The following WDR27 variants were observed in gnomAD, a reference collection of about 807,000 sequenced individuals.
WDR27 encodes the protein WD repeat domain 27, also known as WD repeat-containing protein 27.
A neutral mutation model predicts 114.4 loss-of-function variants in WDR27; 100 were observed. The ratio of observed to expected loss-of-function variants is 0.87; its 90% CI spans 0.74 to 1.03. The LOEUF is 1.03. Among genes scored for constraint, WDR27 ranks in the 50% least tolerant of loss-of-function variants. The pLI is 0.00. For synonymous variants in WDR27, 449 were observed against 423.1 expected, an observed-to-expected ratio of 1.06 and a Z score of -0.75; for missense variants, 1,129 against 1,092.9, an observed-to-expected ratio of 1.03 and a Z score of -0.47.
chr6:169,516,869 G>C (rs1412561221), intron 25 of WDR27, among the ~76,000 whole-genome samples: 1 of 148,714 alleles, frequency 6.7e-6, no homozygotes, highest in Non-Finnish European at 1.5e-5. Context: ...AGATGTGTTG[G>C]TTCCAGGCAT....
At chr6:169,612,450 A>G (rs1810787284) in intron 22 of WDR27, among the ~76,000 whole-genome samples, 1 of 151,726 alleles carries the variant, frequency 6.6e-6, no homozygotes, top group African/African-American at 2.4e-5. Context: ...CGAACAAACA[A>G]ACAAACAAAA....
At chr6:169,573,657 T>C (rs1219141871) in intron 24 of WDR27, among the ~76,000 whole-genome samples, 1 of 152,258 alleles carries the variant, frequency 6.6e-6, no homozygotes, top group Non-Finnish European at 1.5e-5. Flanking sequence ...TAAAATCAAT[T>C]TGATAATATA....
chr6:169,625,011 G>C (rs1479702873), intron 21 of WDR27, among the ~76,000 whole-genome samples: 1 of 152,210 alleles, frequency 6.6e-6, no homozygotes, highest in Admixed American at 6.5e-5. Flanking sequence ...TGCAACTCCT[G>C]TTCTAGGCTT....
In WDR27 at chr6:169,599,074, G is replaced by A. The variant is rs914539269; in HGVS notation, c.2424+3145C>T. ...ACATATGTATACATGTGCCATGTTG[G>A]TGTGCTGCACCCATTAACTCGTCAT... On this transcript the variant is annotated intron_variant, in intron 23 of 25. Coordinates refer to ENST00000448612, the MANE Select transcript of WDR27 (RefSeq NM_182552.5). 4.6e-5 allele frequency among the ~76,000 whole-genome samples: 7 copies of A among 151,964 alleles called. No individual in the cohort carries two copies. The South Asian group carries it at 1.5e-3, about 31-fold the overall frequency.
chr6:169,599,475 T>A (rs906811253), intron 23 of WDR27, among the ~76,000 whole-genome samples: 3 of 152,156 alleles, frequency 2.0e-5, no homozygotes, highest in African/African-American at 7.2e-5. Context: ...AACTTCTTCC[T>A]GGTTTAGTCT....
At chr6:169,505,789 A>G (rs1490860797) in intron 25 of WDR27, among the ~76,000 whole-genome samples, 1 of 152,200 alleles carries the variant, frequency 6.6e-6, no homozygotes, top group African/African-American at 2.4e-5. Flanking sequence ...AGTCATCTGG[A>G]AGGCTTATTA....
chr6:169,559,690 A>C (rs1161356062), intron 25 of WDR27: 1 of 152,156 alleles, frequency 6.6e-6, no homozygotes, highest in Admixed American at 6.5e-5. Flanking sequence ...ATCTGCCCCG[A>C]AAGGCTCCGT....
At chr6:169,649,366 A>T in intron 14 of WDR27, 91 bp from the exon 15 acceptor site, 3 of 1,104,348 alleles carry the variant, frequency 2.7e-6, no homozygotes, top group Non-Finnish European at 4.0e-6. Context: ...AAAATTATAT[A>T]CATAGATATA....
At chr6:169,680,352 G>A (rs1189392313) in intron 2 of WDR27, among the ~76,000 whole-genome samples, 2 of 152,222 alleles carry the variant, frequency 1.3e-5, no homozygotes, top group Non-Finnish European at 2.9e-5. Flanking sequence ...GGAGGCCGAG[G>A]CAGGTGTATC....
the WDR27 span, among the ~76,000 whole-genome samples, chr6:169,428,004 A>T: frequency 6.6e-6 from 1 of 152,258 alleles, no homozygotes; most frequent in East Asian, 1.9e-4. Context: ...GAGAAAGCAG[A>T]AGAAAGCGGC....
chr6:169,604,378 A>C (rs760068650), intron 22 of WDR27, among the ~76,000 whole-genome samples: 1 of 152,174 alleles, frequency 6.6e-6, no homozygotes, highest in Admixed American at 6.5e-5. Context: ...TCCTGGAAAT[A>C]CACAACTTCC....
At chr6:169,566,054 A>G (rs1800415506) in intron 25 of WDR27, among the ~76,000 whole-genome samples, 1 of 152,082 alleles carries the variant, frequency 6.6e-6, no homozygotes, top group Non-Finnish European at 1.5e-5. Context: ...AAACCAGATC[A>G]ATTATGTAAG....
At chr6:169,688,787 A>G (rs1355592042) in intron 2 of WDR27, 30 bp downstream of exon 2, 2 of 1,546,038 alleles carry the variant, frequency 1.3e-6, no homozygotes, top group South Asian at 1.3e-5. Flanking sequence ...CAAGGCCTTC[A>G]TGACACTGGA....
chr6:169,481,286 C>A (rs1223453238), intron 25 of WDR27, among the ~76,000 whole-genome samples: 1 of 152,182 alleles, frequency 6.6e-6, no homozygotes, highest in Non-Finnish European at 1.5e-5. Flanking sequence ...CCAATCAGCA[C>A]CCTGTCAAAA....
chr6:169,448,214 T>C, the WDR27 span, among the ~76,000 whole-genome samples: 1 of 152,094 alleles, frequency 6.6e-6, no homozygotes, highest in Non-Finnish European at 1.5e-5. Context: ...ATATTTTACA[T>C]GTGTTTTCTA....
chr6:169,697,898 CTCTT>C lies in WDR27; in HGVS notation c.-8+3649_-8+3652del, dbSNP rs551241151. On this transcript the variant is annotated intron_variant, in intron 1 of 25. Transcript: ENST00000448612. ...TCCCCCGGGCCCAGCTGTCTTTTAT[CTCTT>C]TGTCTTGTGTCTTTATTTCTACACT... Among the ~76,000 whole-genome samples, 58 of 152,130 alleles carry C rather than the reference CTCTT, an allele frequency of 3.8e-4. No individual in the cohort carries two copies. The East Asian group carries it at 9.3e-3, about 24-fold the overall frequency.
intron 25 of WDR27, among the ~76,000 whole-genome samples, chr6:169,538,825 T>C (rs1263336246): frequency 2.0e-5 from 3 of 152,050 alleles, no homozygotes; most frequent in African/African-American, 7.2e-5. Flanking sequence ...TCAGTACACA[T>C]AGTAAATGAC....
intron 8 of WDR27, among the ~76,000 whole-genome samples, chr6:169,662,875 C>T (rs113643016): frequency 0.027 from 3,525 of 131,062 alleles, no homozygotes; most frequent in East Asian, 0.099. Flanking sequence ...GTACTCAGAT[C>T]ACGTGTCAAG....
chr6:169,541,531 C>G (rs1006652002), intron 25 of WDR27, among the ~76,000 whole-genome samples: 2 of 152,210 alleles, frequency 1.3e-5, no homozygotes, highest in Non-Finnish European at 2.9e-5. Flanking sequence ...GCCAGCCTGG[C>G]CTTCAGGCAC....
Sources: gnomAD v4.1 joint callset for allele counts (sites outside exome capture counted in the v4.1 genomes callset) on GRCh38, gnomAD v4.1.1 for gene constraint, MANE v1.5 for transcripts, NCBI Gene and HGNC (gene_info 2026-07-23, HGNC 2026-07-21) for gene names.